Variants in TFAP4 observed in about 807,000 individuals in gnomAD.
The protein encoded by TFAP4 is activating enhancer-binding protein 4.
TFAP4 carries 7 observed loss-of-function variants against 40.4 expected under a neutral mutation model. That is an observed-to-expected ratio of 0.17 (90% CI 0.10 to 0.33). The LOEUF is 0.33. TFAP4 is among the 10% of genes least tolerant of loss of function. The pLI is 1.00. For missense variants in TFAP4, 374 were observed against 451.1 expected (o/e 0.83, Z 1.55); for synonymous variants, 218 against 181.4 (o/e 1.20, Z -1.62).
intron 2 of TFAP4, 40 bp downstream of exon 2, chr16:4,262,496 C>T (rs1473717681): frequency 2.5e-5 from 40 of 1,613,182 alleles, no homozygotes; most frequent in Non-Finnish European, 3.4e-5. Flanking sequence ...CAGCGGGAAC[C>T]TGCCGGCTCC....
intron 1 of TFAP4, among the ~76,000 whole-genome samples, chr16:4,267,552 G>A (rs251741): frequency 0.23 from 35,430 of 152,210 alleles, 4,928 homozygotes; most frequent in East Asian, 0.63. Flanking sequence ...TTGGAGGCAT[G>A]GGGCATGCCC....
intron 1 of TFAP4, among the ~76,000 whole-genome samples, chr16:4,271,267 C>T (rs74769988): frequency 0.035 from 5,281 of 152,326 alleles, 317 homozygotes; most frequent in African/African-American, 0.12. Context: ...CCGGATTCTG[C>T]AGGCGCTAGC....
In TFAP4 at chr16:4,260,171, G is replaced by T; in HGVS notation, c.741C>A (p.His247Gln). The change falls in exon 6 of 7, where the codon CAC (histidine) becomes CAA (glutamine). Residue 247 changes from histidine (H) to glutamine (Q), a missense_variant. By Grantham distance (24) the His-to-Gln change is conservative. Coordinates refer to ENST00000204517, the MANE Select transcript of TFAP4 (RefSeq NM_003223.3). Reference protein sequence around the residue: ...VPAPPPPPSHHINVVTMGPSS... With the variant: ...VPAPPPPPSHQINVVTMGPSS... ...AGGGGCCCATGGTGACGACATTGAT[G>T]TGGTGGGAGGGAGGAGGAGGCGGTG... 1 of 1,602,176 alleles carries T rather than the reference G, an allele frequency of 6.2e-7. No individual in the cohort carries two copies.
intron 1 of TFAP4, among the ~76,000 whole-genome samples, chr16:4,272,166 TCCCCGCCCCCA>T (rs1262800401): frequency 6.8e-6 from 1 of 147,314 alleles, no homozygotes; most frequent in South Asian, 2.2e-4. Context: ...AGTGCCCGGC[TCCCCGCCCCCA>T]CCCCGCGCCG....
Position 4,257,895 on chromosome 16 carries a change from G to GT in TFAP4, c.*159dup. On this transcript the variant is annotated 3_prime_UTR_variant, in exon 7 of 7. Transcript: ENST00000204517. Reference sequence around the variant, plus strand: ...CCGGGACCTCGGGTTGAGTGGCTTCGTTCAAAGGTCGATTTACAGTATTGA... The same window carrying GT: ...CCGGGACCTCGGGTTGAGTGGCTTCGTTTCAAAGGTCGATTTACAGTATTGA... 1 of 751,866 alleles carries GT rather than the reference G, an allele frequency of 1.3e-6. No homozygotes were observed. Among genetic ancestry groups the GT allele is most frequent in the Non-Finnish European group, 2.1e-6 (1 of 479,426 alleles). 46.6% of individuals were successfully genotyped at this position (751,866 alleles called of 1,614,324 possible). A position where few individuals can be genotyped will look rare whatever the true frequency, so the allele number is the denominator to read the frequency against.
At chr16:4,264,385 A>T (rs1417624056) in intron 1 of TFAP4, 2 of 152,216 alleles carry the variant, frequency 1.3e-5, no homozygotes, top group Non-Finnish European at 1.5e-5. Context: ...TCCTCTCCCA[A>T]TAGAGAGGTG....
In TFAP4 at chr16:4,272,641, G is replaced by A; in HGVS notation, c.89+17C>T. 13 of 1,593,858 alleles carry A rather than the reference G, an allele frequency of 8.2e-6. No individual in the cohort carries two copies. Among genetic ancestry groups the A allele is most frequent in the Non-Finnish European group, 1.1e-5 (13 of 1,166,920 alleles). ...CTGCAGTGGTAGGAAGGGGGTGGGG[G>A]GAGGAGGAGTACACACCTACAGAGC... On this transcript the variant is annotated intron_variant, in intron 1 of 6. Transcript: ENST00000204517.
In TFAP4 at chr16:4,257,380, T is replaced by TA. The variant is rs916236285; in HGVS notation, c.*674dup. The TA allele has an allele frequency of 6.5e-5, 4 of 61,314 alleles. No homozygotes were observed. The highest frequency in any genetic ancestry group is 2.6e-4 in the African/African-American group (4 of 15,552). The allele number at this position is 61,314 out of a possible 1,614,324, so 3.8% of individuals were successfully genotyped here. On this transcript the variant is annotated 3_prime_UTR_variant, in exon 7 of 7. Transcript: ENST00000204517. ...AAACAGAAAGCAAACCAAAAAGAAA[T>TA]AAAAAACCAACAACAAACAAAACAA...
intron 3 of TFAP4, 136 bp downstream of exon 3, chr16:4,262,188 G>T: frequency 9.2e-7 from 1 of 1,091,618 alleles, no homozygotes; most frequent in Non-Finnish European, 1.4e-6. Flanking sequence ...CTGAGGCCGG[G>T]GCAGGAAAAA....
At chr16:4,258,949 G>C (rs1000893653) in intron 6 of TFAP4, among the ~76,000 whole-genome samples, 5 of 151,906 alleles carry the variant, frequency 3.3e-5, no homozygotes, top group Non-Finnish European at 7.4e-5. Context: ...TTTGCCAGGC[G>C]TGGTGGCACA....
Position 4,272,906 on chromosome 16 carries a change from G to T in TFAP4, c.-160C>A, listed in dbSNP as rs1458439144. 4.7e-6 allele frequency: 2 copies of T among 429,606 alleles called. No homozygotes were observed. The highest frequency in any genetic ancestry group is 8.9e-6 in the Non-Finnish European group (2 of 224,502). The allele number at this position is 429,606 out of a possible 1,614,324, so 26.6% of individuals were successfully genotyped here. The stretch of plus-strand genomic sequence containing the variant: ...GGCGGCGAGGGGAGGGAGGCGGGCG[G>T]GAGGGGCGGGAGGGAGGTCTCTCCG... On this transcript the variant is annotated 5_prime_UTR_variant, in exon 1 of 7. Transcript: ENST00000204517.
chr16:4,264,619 T>G (rs1004926847), intron 1 of TFAP4: 1 of 152,382 alleles, frequency 6.6e-6, no homozygotes, highest in African/African-American at 2.4e-5. Flanking sequence ...GTCAGCTGGA[T>G]GTCAGTGCTC....
chr16:4,259,262 T>C (rs748097679), intron 6 of TFAP4, among the ~76,000 whole-genome samples: 1 of 151,830 alleles, frequency 6.6e-6, no homozygotes, highest in African/African-American at 2.4e-5. Flanking sequence ...GCCTCCCGAA[T>C]AGCTGGGATT....
At chr16:4,268,068 T>G (rs2053011627) in intron 1 of TFAP4, 1 of 152,254 alleles carries the variant, frequency 6.6e-6, no homozygotes, top group Admixed American at 6.5e-5. Context: ...ACACCAAGCC[T>G]CGGTTTCCTC....
intron 1 of TFAP4, among the ~76,000 whole-genome samples, chr16:4,270,094 A>C (rs1024679645): frequency 6.6e-6 from 1 of 152,138 alleles, no homozygotes; most frequent in African/African-American, 2.4e-5. Flanking sequence ...CTGAGGCAGG[A>C]AAGTCGGTTG....
chr16:4,270,606 G>C (rs1392377495), intron 1 of TFAP4, among the ~76,000 whole-genome samples: 1 of 152,220 alleles, frequency 6.6e-6, no homozygotes, highest in Non-Finnish European at 1.5e-5. Flanking sequence ...AACCCTGGAC[G>C]AAGGCCCTAC....
chr16:4,261,446 ATT>A (rs148258464), intron 4 of TFAP4, among the ~76,000 whole-genome samples: 24 of 144,758 alleles, frequency 1.7e-4, no homozygotes, highest in African/African-American at 2.8e-4. Context: ...CGCCCGGCTA[ATT>A]TTTTTTTTTT....
At chr16:4,267,164 G>A (rs994433086) in intron 1 of TFAP4, 1 of 152,416 alleles carries the variant, frequency 6.6e-6, no homozygotes, top group African/African-American at 2.4e-5. Context: ...CTCCCGAGTA[G>A]CTGGGATTAC....
chr16:4,268,408 G>A (rs914589479), intron 1 of TFAP4, among the ~76,000 whole-genome samples: 2 of 152,136 alleles, frequency 1.3e-5, no homozygotes, highest in Admixed American at 1.3e-4. Context: ...GACCTTTTAA[G>A]ACCACAAGGC....
Sources: allele counts gnomAD v4.1 joint callset (sites outside exome capture counted in the v4.1 genomes callset), GRCh38; gene constraint gnomAD v4.1.1; transcripts MANE v1.5; gene names NCBI Gene and HGNC (gene_info 2026-07-23, HGNC 2026-07-21).